The following SOS1 variants were observed in gnomAD, a reference collection of about 807,000 sequenced individuals.
SOS1 encodes the protein son of sevenless homolog 1.
A neutral mutation model predicts 157.6 loss-of-function variants in SOS1; 25 were observed. The observed-to-expected ratio is 0.16, with a 90% CI of 0.12 to 0.22. The LOEUF (loss-of-function observed/expected upper bound fraction) is 0.22. SOS1 is among the 10% of genes least tolerant of loss of function. The pLI, the probability that SOS1 is intolerant of heterozygous loss-of-function variation, is 1.00. For synonymous variants in SOS1, 528 were observed against 534.0 expected, an observed-to-expected ratio of 0.99 and a Z score of 0.16; for missense variants, 1,237 against 1,599.1, an observed-to-expected ratio of 0.77 and a Z score of 3.86.
At chr2:39,056,503 A>G (rs908253571) in intron 4 of SOS1, among the ~76,000 whole-genome samples, 199 bp downstream of exon 4, 1 of 152,212 alleles carries the variant, frequency 6.6e-6, no homozygotes, top group Non-Finnish European at 1.5e-5. Flanking sequence ...AAAAAACTGC[A>G]TGACATATTT....
chr2:39,012,678 CA>C (rs1227798669), intron 13 of SOS1, among the ~76,000 whole-genome samples: 1 of 151,996 alleles, frequency 6.6e-6, no homozygotes, highest in East Asian at 1.9e-4. Flanking sequence ...TATAATCCTC[CA>C]AGAAAAGGTA....
chr2:39,049,543 C>G (rs919705555), intron 6 of SOS1, among the ~76,000 whole-genome samples: 14 of 152,254 alleles, frequency 9.2e-5, no homozygotes, highest in Admixed American at 7.9e-4. Flanking sequence ...TATACAAAAT[C>G]AATTTCATCT....
At chr2:39,031,990 G>A (rs1670174926) in intron 8 of SOS1, among the ~76,000 whole-genome samples, 1 of 152,104 alleles carries the variant, frequency 6.6e-6, no homozygotes, top group African/African-American at 2.4e-5. Context: ...CAGCATTAAA[G>A]TCACACTATT....
intron 1 of SOS1, among the ~76,000 whole-genome samples, chr2:39,102,109 G>A (rs1323757305): frequency 7.1e-6 from 1 of 140,824 alleles, no homozygotes; most frequent in Non-Finnish European, 1.5e-5. Context: ...GGAGGCTGAG[G>A]CAGGAGAATC....
rs548853882 is a variant in SOS1 at position 38,982,842 on chromosome 2, A to G, written c.*2982T>C. 1.3e-5 allele frequency: 2 copies of G among 152,206 alleles called. No homozygotes were observed. The highest frequency in any genetic ancestry group is 4.8e-5 in the African/African-American group (2 of 41,544). 9.4% of individuals were successfully genotyped at this position (152,206 alleles called of 1,614,324 possible). A position where few individuals can be genotyped will look rare whatever the true frequency, so the allele number is the denominator to read the frequency against. On this transcript the variant is annotated 3_prime_UTR_variant, in exon 23 of 23. Transcript: ENST00000402219. Reference sequence around the variant, plus strand: ...AAGGTAATTTTTGATTTATGGAGGGAAAAAAACCTTTAAGAATTTAGAATC... The same window carrying G: ...AAGGTAATTTTTGATTTATGGAGGGGAAAAAACCTTTAAGAATTTAGAATC...
At chr2:39,092,533 T>C (rs1159940676) in intron 1 of SOS1, among the ~76,000 whole-genome samples, 5 of 152,232 alleles carry the variant, frequency 3.3e-5, no homozygotes, top group African/African-American at 1.2e-4. Context: ...TTTATTTTAC[T>C]TACTGTTATC....
chr2:39,043,916 G>A (rs892827106), intron 6 of SOS1, among the ~76,000 whole-genome samples: 3 of 151,658 alleles, frequency 2.0e-5, no homozygotes, highest in African/African-American at 7.3e-5. Flanking sequence ...GGTCTATGCC[G>A]CAAGTCATTT....
rs558724601 is a variant in SOS1, at chr2:39,006,540, A to G, written c.2674-11T>C. The G allele has an allele frequency of 3.8e-6, 5 of 1,313,054 alleles. No homozygotes were observed. In the South Asian group the frequency reaches 5.9e-5, roughly 16 times the overall value. The allele number at this position is 1,313,054 out of a possible 1,614,324, so 81.3% of individuals were successfully genotyped here. On this transcript the variant is annotated splice_polypyrimidine_tract_variant and intron_variant, in intron 16 of 22. Coordinates refer to ENST00000402219, the MANE Select transcript of SOS1 (RefSeq NM_005633.4). The stretch of plus-strand genomic sequence containing the variant: ...GCGACTTGGTATTTGCTATAAGGAA[A>G]AAAAATAGGCGTAAGTTTACAAAAG...
intron 6 of SOS1, 83 bp from the exon 7 acceptor site, chr2:39,035,583 G>C: frequency 1.1e-6 from 1 of 951,596 alleles, no homozygotes; most frequent in Non-Finnish European, 1.7e-6. Flanking sequence ...GACTATGCGA[G>C]CACAATTATG....
chr2:39,117,526 C>A (rs988445879), intron 1 of SOS1, among the ~76,000 whole-genome samples: 15 of 152,176 alleles, frequency 9.9e-5, no homozygotes, highest in African/African-American at 3.1e-4. Context: ...TTATGGTAGA[C>A]AATCCAGTCA....
At chr2:39,027,174 G>A (rs936890346) in intron 8 of SOS1, among the ~76,000 whole-genome samples, 2 of 151,950 alleles carry the variant, frequency 1.3e-5, no homozygotes, top group Non-Finnish European at 2.9e-5. Flanking sequence ...ATACCTAATG[G>A]TAGACAAAAT....
At chr2:39,102,954 C>CA (rs1298940943) in intron 1 of SOS1, among the ~76,000 whole-genome samples, 1 of 149,624 alleles carries the variant, frequency 6.7e-6, no homozygotes, top group African/African-American at 2.5e-5. Context: ...GACCCTGTCT[C>CA]AAAAAAATAA....
At chr2:39,081,608 T>C (rs1672203262) in intron 1 of SOS1, among the ~76,000 whole-genome samples, 1 of 148,132 alleles carries the variant, frequency 6.8e-6, no homozygotes, top group African/African-American at 2.5e-5. Flanking sequence ...GCAGATTACC[T>C]AAGGTTAAGA....
At chr2:39,089,474 G>T (rs546496219) in intron 1 of SOS1, among the ~76,000 whole-genome samples, 72 of 146,332 alleles carry the variant, frequency 4.9e-4, no homozygotes, top group Non-Finnish European at 8.1e-4. Context: ...GGAGGTTGCA[G>T]TGAGCCATTG....
intron 1 of SOS1, among the ~76,000 whole-genome samples, chr2:39,079,062 C>CAA (rs10608351): frequency 1.3e-3 from 53 of 40,000 alleles, no homozygotes; most frequent in Middle Eastern, 0.025. Flanking sequence ...CTCTGTCTCC[C>CAA]AAAAAAAAAA....
At chr2:39,101,871 G>C (rs548148963) in intron 1 of SOS1, among the ~76,000 whole-genome samples, 2 of 152,132 alleles carry the variant, frequency 1.3e-5, no homozygotes, top group South Asian at 4.1e-4. Flanking sequence ...TTTATGACCT[G>C]CCTATGTATT....
intron 6 of SOS1, among the ~76,000 whole-genome samples, chr2:39,043,287 A>T (rs1258530731): frequency 6.6e-6 from 1 of 152,182 alleles, no homozygotes; most frequent in Non-Finnish European, 1.5e-5. Flanking sequence ...AAAATGTCAA[A>T]CCACATAAGA....
At position 39,006,409 on chromosome 2, in the gene SOS1, T is replaced by C; in HGVS notation, c.2791+3A>G. ...CAATAAAAATTCAGAAAGAAATACT[T>C]ACCAAAGAAAGGCACACATGGTGGA... On this transcript the variant is annotated splice_donor_region_variant and intron_variant, in intron 17 of 22. Transcript: ENST00000402219. 1 of 1,317,712 alleles carries C rather than the reference T, an allele frequency of 7.6e-7. No homozygotes were observed. The allele number at this position is 1,317,712 out of a possible 1,614,324, so 81.6% of individuals were successfully genotyped here.
intron 6 of SOS1, among the ~76,000 whole-genome samples, chr2:39,041,274 T>C (rs997230671): frequency 3.3e-5 from 5 of 152,208 alleles, no homozygotes; most frequent in African/African-American, 9.6e-5. Context: ...TCAGGCTTCA[T>C]AGAGGTTTTG....
Sources: allele counts gnomAD v4.1 joint callset (sites outside exome capture counted in the v4.1 genomes callset), GRCh38; gene constraint gnomAD v4.1.1; transcripts MANE v1.5; gene names NCBI Gene and HGNC (gene_info 2026-07-23, HGNC 2026-07-21).